GRID1: variants seen among roughly 807,000 people sequenced by gnomAD.
GRID1 encodes the protein glutamate ionotropic receptor delta type subunit 1, also known as glutamate receptor ionotropic, delta-1.
In GRID1, 28 loss-of-function variants were observed where a neutral mutation model predicts 98.0. That is an observed-to-expected ratio of 0.29 (90% confidence interval 0.21 to 0.39). GRID1 has a LOEUF of 0.39. Among genes scored for constraint, GRID1 ranks in the 10% least tolerant of loss-of-function variants. GRID1 has a pLI of 1.00. For missense variants in GRID1, 1,111 were observed against 1,340.5 expected (o/e 0.83, Z 2.67); for synonymous variants, 553 against 538.5 (o/e 1.03, Z -0.37).
intron 4 of GRID1, among the ~76,000 whole-genome samples, chr10:85,923,196 AG>A (rs1841729264): frequency 6.6e-6 from 1 of 152,012 alleles, no homozygotes; most frequent in South Asian, 2.1e-4. Flanking sequence ...TTGAAGTCCA[AG>A]GCCCCCACCC....
intron 4 of GRID1, among the ~76,000 whole-genome samples, chr10:86,085,200 C>G (rs535089678): frequency 6.6e-6 from 1 of 152,170 alleles, no homozygotes; most frequent in Non-Finnish European, 1.5e-5. Flanking sequence ...GCAGGAAAAA[C>G]CCCTCCAGGA....
chr10:86,112,591 CT>C (rs1844504541), intron 4 of GRID1, among the ~76,000 whole-genome samples: 1 of 147,094 alleles, frequency 6.8e-6, no homozygotes. Flanking sequence ...TTAATGACAA[CT>C]GCGGCCGAGC....
At chr10:86,023,136 C>T (rs1178894495) in intron 4 of GRID1, among the ~76,000 whole-genome samples, 4 of 152,172 alleles carry the variant, frequency 2.6e-5, no homozygotes, top group African/African-American at 9.6e-5. Flanking sequence ...ACTCTGTCCT[C>T]AGGGGTTCCC....
intron 8 of GRID1, among the ~76,000 whole-genome samples, chr10:85,816,991 G>A (rs2131747773): frequency 6.6e-6 from 1 of 152,218 alleles, no homozygotes; most frequent in Non-Finnish European, 1.5e-5. Flanking sequence ...GTTTCCTTAG[G>A]ACAATGGCTT....
chr10:85,996,446 A>C (rs1304689851), intron 4 of GRID1, among the ~76,000 whole-genome samples: 11 of 152,360 alleles, frequency 7.2e-5, no homozygotes, highest in Middle Eastern at 6.8e-3. Flanking sequence ...TTAACAACAA[A>C]AAAAATTTCA....
chr10:85,681,831 A>T lies in GRID1; in HGVS notation c.1998-34434T>A, dbSNP rs1252345293. Among the ~76,000 whole-genome samples the T allele has an allele frequency of 3.3e-5, 5 of 152,154 alleles. No individual in the cohort carries two copies. The East Asian group carries it at 9.6e-4, about 29-fold the overall frequency. On this transcript the variant is annotated intron_variant, in intron 12 of 15. Transcript: ENST00000327946. ...CCACAGTATATGGCCTGCCCTCCCCAGACATGCTCAGCGCAGTGTCTGTGC... is the reference window on the plus strand; with the variant it reads ...CCACAGTATATGGCCTGCCCTCCCCTGACATGCTCAGCGCAGTGTCTGTGC...
At chr10:86,258,054 C>T (rs941820218) in intron 2 of GRID1, among the ~76,000 whole-genome samples, 13 of 152,176 alleles carry the variant, frequency 8.5e-5, no homozygotes, top group African/African-American at 3.1e-4. Context: ...TTTTCTACCC[C>T]AGTGAGGCTT....
intron 3 of GRID1, among the ~76,000 whole-genome samples, chr10:86,162,020 G>A (rs1845330434): frequency 6.6e-6 from 1 of 152,238 alleles, no homozygotes; most frequent in African/African-American, 2.4e-5. Context: ...GCTCCTGGCA[G>A]CTGTCCTGCT....
intron 3 of GRID1, among the ~76,000 whole-genome samples, chr10:86,152,491 G>A (rs948677275): frequency 2.6e-5 from 4 of 152,250 alleles, no homozygotes; most frequent in African/African-American, 7.2e-5. Flanking sequence ...CTCTGCGCCC[G>A]AGAGCCCCCA....
rs373525033 is a variant in GRID1, at chr10:85,727,881, C to T, written c.1507G>A (p.Gly503Arg). The change falls in exon 10 of 16, where the codon GGG (glycine) becomes AGG (arginine). Residue 503 changes from glycine (G) to arginine (R), a missense_variant. Physicochemically the swap from Gly to Arg is moderately radical, Grantham distance 125 (BLOSUM62 -2). Coordinates refer to ENST00000327946, the MANE Select transcript of GRID1 (RefSeq NM_017551.3). The part of the protein sequence containing the change: ...GHQLHNTSWN[G>R]MIGELISKRA... ...TTGCTGATGAGCTCCCCGATCATCCCGTTCCAGGAGGTGTTATGGAGCTGG... is the reference window on the plus strand; with the variant it reads ...TTGCTGATGAGCTCCCCGATCATCCTGTTCCAGGAGGTGTTATGGAGCTGG... 27 of 1,613,734 alleles carry T rather than the reference C, an allele frequency of 1.7e-5. No individual in the cohort carries two copies. The highest frequency in any genetic ancestry group is 9.9e-5 in the South Asian group (9 of 91,058).
intron 4 of GRID1, among the ~76,000 whole-genome samples, chr10:86,087,510 C>CTGTGTGTGGGTGTGTG (rs1844079527): frequency 7.1e-6 from 1 of 140,908 alleles, no homozygotes; most frequent in Non-Finnish European, 1.6e-5. Context: ...GTGTGTGTGT[C>CTGTGTGTGGGTGTGTG]TGTGTGTGTG....
chr10:86,227,887 T>C (rs982237503), intron 2 of GRID1, among the ~76,000 whole-genome samples: 2 of 152,128 alleles, frequency 1.3e-5, no homozygotes, highest in African/African-American at 4.8e-5. Context: ...GCCTGACACA[T>C]GGTAGATACA....
chr10:86,035,662 C>A lies in GRID1; in HGVS notation c.726+103157G>T, dbSNP rs531234442. Among the ~76,000 whole-genome samples the A allele has an allele frequency of 2.0e-5, 3 of 152,272 alleles. No individual in the cohort carries two copies. The East Asian group carries it at 5.8e-4, about 29-fold the overall frequency. ...AATATTTTATTGGTGACCACTGGTG[C>A]CAGGCCCTGGGCTAGGCACTAGGTG... On this transcript the variant is annotated intron_variant, in intron 4 of 15. Coordinates refer to ENST00000327946, the MANE Select transcript of GRID1 (RefSeq NM_017551.3).
chr10:85,890,715 T>G (rs1320442086), intron 5 of GRID1, among the ~76,000 whole-genome samples: 2 of 150,652 alleles, frequency 1.3e-5, no homozygotes, highest in African/African-American at 2.4e-5. Flanking sequence ...CCAGGCCTGG[T>G]AAGTACTCAT....
intron 2 of GRID1, among the ~76,000 whole-genome samples, chr10:86,227,373 T>C (rs1380866965): frequency 2.0e-5 from 3 of 152,114 alleles, no homozygotes; most frequent in African/African-American, 2.4e-5. Context: ...AACTTGCTCA[T>C]AGTAGTGGGG....
At chr10:85,730,997 A>G (rs1841815648) in intron 8 of GRID1, among the ~76,000 whole-genome samples, 1 of 152,214 alleles carries the variant, frequency 6.6e-6, no homozygotes, top group African/African-American at 2.4e-5. Context: ...GAAGAACTCC[A>G]GTGGAAAAGT....
At chr10:85,668,403 G>A (rs556839421) in intron 12 of GRID1, among the ~76,000 whole-genome samples, 1 of 152,270 alleles carries the variant, frequency 6.6e-6, no homozygotes, top group African/African-American at 2.4e-5. Flanking sequence ...CTCTGAAGTG[G>A]AAGCAGGAAA....
chr10:86,126,298 A>T lies in GRID1; in HGVS notation c.726+12521T>A, dbSNP rs1457282566. ...GCGAAACCCCGTCTCTACTAAAAAT[A>T]CAAAAAATTAGCCAGGCGTGGTGGC... is the stretch of plus-strand genomic sequence containing the variant. On this transcript the variant is annotated intron_variant, in intron 4 of 15. Transcript: ENST00000327946. Among the ~76,000 whole-genome samples, 4 of 152,204 alleles carry T rather than the reference A, an allele frequency of 2.6e-5. No individual in the cohort carries two copies. In the South Asian group the frequency reaches 8.3e-4, roughly 32 times the overall value.
intron 4 of GRID1, among the ~76,000 whole-genome samples, chr10:85,996,856 G>T (rs534837881): frequency 1.4e-5 from 2 of 147,816 alleles, no homozygotes; most frequent in Non-Finnish European, 3.0e-5. Context: ...AAGAAAGAAA[G>T]AAAAGAAAAG....
Sources: gnomAD v4.1 joint callset for allele counts (sites outside exome capture counted in the v4.1 genomes callset) on GRCh38, gnomAD v4.1.1 for gene constraint, MANE v1.5 for transcripts, NCBI Gene and HGNC (gene_info 2026-07-23, HGNC 2026-07-21) for gene names.